Variants in UBN1 observed in about 807,000 individuals in gnomAD.
UBN1 encodes the protein ubinuclein 1.
Under a neutral mutation model 108.5 loss-of-function variants are expected in UBN1, and 17 were observed. The observed-to-expected ratio is 0.16, with a 90% CI of 0.11 to 0.24. UBN1 has a LOEUF of 0.24. Among genes scored for constraint, UBN1 ranks in the 10% least tolerant of loss-of-function variants. The pLI, the probability that UBN1 is intolerant of heterozygous loss-of-function variation, is 1.00. For missense variants in UBN1, 1,595 were observed against 1,394.4 expected (o/e 1.14, Z -2.29); for synonymous variants, 726 against 564.2 (o/e 1.29, Z -4.07).
chr16:4,852,156 C>T (rs2086590128), intron 1 of UBN1: 1 of 152,160 alleles, frequency 6.6e-6, no homozygotes, highest in African/African-American at 2.4e-5. Context: ...AAAAGCAGGA[C>T]ACAAAATTGT....
intron 7 of UBN1, 89 bp from the exon 8 acceptor site, chr16:4,868,744 A>G (rs1423461894): frequency 7.7e-7 from 1 of 1,306,490 alleles, no homozygotes; most frequent in African/African-American, 1.5e-5. Flanking sequence ...GGTGCTCTTT[A>G]TGGAGCGATG....
At chr16:4,870,417 G>C (rs770425396) in intron 9 of UBN1, 76 bp downstream of exon 9, 4 of 1,609,000 alleles carry the variant, frequency 2.5e-6, no homozygotes, top group East Asian at 4.5e-5. Context: ...GCAATGATGC[G>C]TCTGCTGCCC....
At chr16:4,860,632 G>T in intron 6 of UBN1, 32 bp from the exon 7 acceptor site, 1 of 1,586,716 alleles carries the variant, frequency 6.3e-7, no homozygotes, top group Non-Finnish European at 8.5e-7. Context: ...GTGTCCTATA[G>T]TCTGAGTGAC....
chr16:4,858,109 T>C (rs1481104172), intron 3 of UBN1, 33 bp downstream of exon 3: 2 of 1,448,314 alleles, frequency 1.4e-6, no homozygotes, highest in Non-Finnish European at 1.9e-6. Context: ...CAAAACAACC[T>C]CATTGGGTGG....
In UBN1 at chr16:4,860,581, C is replaced by G. The variant is rs762331213; in HGVS notation, c.672-83C>G. The G allele has an allele frequency of 4.3e-6, 6 of 1,388,656 alleles. No individual in the cohort carries two copies. The African/African-American group carries it at 8.7e-5, about 20-fold the overall frequency. 86.0% of individuals were successfully genotyped at this position (1,388,656 alleles called of 1,614,324 possible). On this transcript the variant is annotated intron_variant, in intron 6 of 17. Transcript: ENST00000262376. Reference sequence around the variant, plus strand: ...GACAGGTTCTCCTGGAGACCATGACCCTGGGAGCAGGGGTGAAGGCCTCTG... The same window carrying G: ...GACAGGTTCTCCTGGAGACCATGACGCTGGGAGCAGGGGTGAAGGCCTCTG...
intron 12 of UBN1, among the ~76,000 whole-genome samples, chr16:4,871,956 T>C (rs1286305189): frequency 6.6e-6 from 1 of 152,232 alleles, no homozygotes; most frequent in East Asian, 1.9e-4. Context: ...TCTTTCCTGA[T>C]GTTCCTGAAG....
At position 4,874,657 on chromosome 16, in the gene UBN1, C is replaced by T. The variant is rs749317750; in HGVS notation, c.2247C>T (p.Ser749=). 1 of 1,614,092 alleles carries T rather than the reference C, an allele frequency of 6.2e-7. No individual in the cohort carries two copies. Among genetic ancestry groups the T allele is most frequent in the African/African-American group, 1.3e-5 (1 of 74,946 alleles). ...AACAGGCTCTGGCACTGGGGCAGTC[C>T]TCTCAGGAGAAAAAACCAGAGAGTT... ...LAEQALALGQ[S]SQEKKPESSG... The change falls in exon 15 of 18, where the codon TCC becomes TCT. Residue 749 remains serine (S), a synonymous_variant. Transcript: ENST00000262376.
chr16:4,871,574 T>G (rs1313001652), intron 12 of UBN1, among the ~76,000 whole-genome samples: 2 of 137,774 alleles, frequency 1.5e-5, no homozygotes, highest in African/African-American at 2.8e-5. Context: ...ATATGCACTT[T>G]CCTTTTTTTT....
At chr16:4,876,210 G>A (rs1596528893) in intron 15 of UBN1, among the ~76,000 whole-genome samples, 2 of 151,896 alleles carry the variant, frequency 1.3e-5, no homozygotes, top group Admixed American at 6.6e-5. Context: ...TGCCCGCCTC[G>A]GCCTCCCAAA....
chr16:4,863,633 A>G (rs751460479), intron 7 of UBN1, among the ~76,000 whole-genome samples: 12 of 150,982 alleles, frequency 7.9e-5, no homozygotes, highest in Non-Finnish European at 1.6e-4. Context: ...TTTTCCCTCT[A>G]TTATAAGATT....
intron 14 of UBN1, among the ~76,000 whole-genome samples, chr16:4,873,439 A>T (rs1434629666): frequency 6.6e-6 from 1 of 152,238 alleles, no homozygotes; most frequent in East Asian, 1.9e-4. Flanking sequence ...CACAGCAGAA[A>T]GAAAAGGCGA....
chr16:4,854,813 C>T (rs2086722511), intron 2 of UBN1, among the ~76,000 whole-genome samples: 4 of 151,968 alleles, frequency 2.6e-5, no homozygotes, highest in South Asian at 2.1e-4. Flanking sequence ...AGCTCCGCCT[C>T]CTCGGTTCAT....
At chr16:4,870,791 A>C (rs1450394869) in intron 10 of UBN1, 53 bp from the exon 11 acceptor site, 1 of 1,607,608 alleles carries the variant, frequency 6.2e-7, no homozygotes, top group Admixed American at 1.7e-5. Flanking sequence ...GTGAGGGGAG[A>C]GGCGGTGGGC....
chr16:4,849,495 GAA>G (rs1882633145), intron 1 of UBN1, among the ~76,000 whole-genome samples: 1 of 151,852 alleles, frequency 6.6e-6, no homozygotes, highest in African/African-American at 2.4e-5. Flanking sequence ...TATATAGTAA[GAA>G]AAAATTAAAA....
At position 4,853,113 on chromosome 16, in the gene UBN1, G is replaced by C; in HGVS notation, c.196G>C (p.Glu66Gln). ...ACGCTGCCCAGAGTTCTTCTACCCA[G>C]AGCTGGTGAAGAATATCCGAGGGAA... ...HKRCPEFFYP[E>Q]LVKNIRGKVK... Residue 66 changes from glutamate to glutamine, a missense_variant, in exon 2 of 18, where the codon GAG becomes CAG. Physicochemically the swap from Glu to Gln is conservative, Grantham distance 29. Around this residue, in one of 3 missense-constraint regions of UBN1, gnomAD observed 181 missense variants for 157.3 expected, o/e 1.15. Coordinates refer to ENST00000262376, the MANE Select transcript of UBN1 (RefSeq NM_001079514.3). The C allele has an allele frequency of 6.2e-7, 1 of 1,614,236 alleles. No individual in the cohort carries two copies.
At chr16:4,868,793 G>T in intron 7 of UBN1, 40 bp from the exon 8 acceptor site, 1 of 1,606,450 alleles carries the variant, frequency 6.2e-7, no homozygotes, top group Admixed American at 1.7e-5. Context: ...GACATGTGGG[G>T]AAAGTGCACT....
chr16:4,879,515 A>G (rs1238489175), intron 17 of UBN1, among the ~76,000 whole-genome samples: 1 of 152,214 alleles, frequency 6.6e-6, no homozygotes, highest in Non-Finnish European at 1.5e-5. Context: ...AAAAGCAACT[A>G]TACCAAAACA....
intron 14 of UBN1, 94 bp downstream of exon 14, chr16:4,873,167 C>G (rs2087725403): frequency 1.3e-6 from 2 of 1,548,552 alleles, no homozygotes; most frequent in African/African-American, 1.4e-5. Context: ...GCTCATTGAT[C>G]TTTGCTCGTC....
intron 1 of UBN1, among the ~76,000 whole-genome samples, chr16:4,848,758 A>C (rs1021729948): frequency 1.3e-5 from 2 of 152,228 alleles, no homozygotes; most frequent in African/African-American, 2.4e-5. Context: ...CCTGTTTAAA[A>C]ATTCTGAATT....
Sources: gnomAD v4.1 joint callset for allele counts (sites outside exome capture counted in the v4.1 genomes callset) on GRCh38, gnomAD v4.1.1 for gene constraint, gnomAD v4.1.1 regional missense constraint, MANE v1.5 for transcripts, NCBI Gene and HGNC (gene_info 2026-07-23, HGNC 2026-07-21) for gene names.